Variants in NRG3 observed in about 807,000 individuals in gnomAD.
The protein encoded by NRG3 is neuregulin 3.
In NRG3, 31 loss-of-function variants were observed where a neutral mutation model predicts 66.9. That is an observed-to-expected ratio of 0.46 (90% CI 0.35 to 0.63). The LOEUF is 0.63. Among genes scored for constraint, NRG3 ranks in the 20% least tolerant of loss-of-function variants. The pLI is 0.00. For synonymous variants in NRG3, 393 were observed against 359.4 expected, an observed-to-expected ratio of 1.09 and a Z score of -1.06; for missense variants, 910 against 878.9, an observed-to-expected ratio of 1.04 and a Z score of -0.45.
At chr10:82,054,659 G>A (rs2063748188) in intron 1 of NRG3, among the ~76,000 whole-genome samples, 1 of 152,070 alleles carries the variant, frequency 6.6e-6, no homozygotes, top group Non-Finnish European at 1.5e-5. Flanking sequence ...GGAGAAGTGG[G>A]GAGGAACCAG....
At chr10:82,278,271 A>G (rs1021715800) in intron 1 of NRG3, among the ~76,000 whole-genome samples, 2 of 152,024 alleles carry the variant, frequency 1.3e-5, no homozygotes, top group Non-Finnish European at 2.9e-5. Context: ...AAAATCACAC[A>G]AGCTAAGACC....
At chr10:82,921,780 T>A (rs1846444505) in intron 4 of NRG3, among the ~76,000 whole-genome samples, 1 of 152,140 alleles carries the variant, frequency 6.6e-6, no homozygotes, top group Admixed American at 6.6e-5. Flanking sequence ...AGATACTCAC[T>A]TTTCATCTTC....
At chr10:82,897,462 T>C (rs1024533619) in intron 4 of NRG3, among the ~76,000 whole-genome samples, 1 of 152,192 alleles carries the variant, frequency 6.6e-6, no homozygotes, top group Non-Finnish European at 1.5e-5. Context: ...GGCTTCTTTT[T>C]TTTTCTGATC....
chr10:82,100,040 G>A (rs1449580701), intron 1 of NRG3, among the ~76,000 whole-genome samples: 1 of 151,160 alleles, frequency 6.6e-6, no homozygotes, highest in Non-Finnish European at 1.5e-5. Flanking sequence ...CCTGTTCTAT[G>A]AAGATGGAAT....
rs544948443 is a variant in NRG3, at chr10:82,978,065, C to T, written c.1413-885C>T. 4.5e-4 allele frequency among the ~76,000 whole-genome samples: 69 copies of T among 152,132 alleles called. 2 individuals carry two copies. The South Asian group carries it at 9.4e-3, about 21-fold the overall frequency. ...TTGAGCACTGCAGAACCAGTGTGAC[C>T]ACATAAACTAGCATCTCGTGGAATG... On this transcript the variant is annotated intron_variant, in intron 7 of 8. Coordinates refer to ENST00000372141, the MANE Select transcript of NRG3 (RefSeq NM_001010848.4).
chr10:82,695,678 C>T (rs865828741), intron 2 of NRG3, among the ~76,000 whole-genome samples: 7 of 151,818 alleles, frequency 4.6e-5, no homozygotes, highest in South Asian at 2.1e-4. Flanking sequence ...AAATTTATAG[C>T]GAGGAAAATA....
intron 4 of NRG3, among the ~76,000 whole-genome samples, chr10:82,946,698 T>A (rs1328969651): frequency 6.6e-6 from 1 of 152,170 alleles, no homozygotes; most frequent in Non-Finnish European, 1.5e-5. Context: ...TTAGGTATTA[T>A]AAGTCAAATA....
At chr10:82,809,980 T>C (rs888039666) in intron 3 of NRG3, among the ~76,000 whole-genome samples, 2 of 152,082 alleles carry the variant, frequency 1.3e-5, no homozygotes, top group Non-Finnish European at 2.9e-5. Flanking sequence ...TTTATATTTC[T>C]GCTCTTGTGA....
Position 82,775,104 on chromosome 10 carries a change from G to A in NRG3, c.1027+36454G>A, listed in dbSNP as rs1392890438. Among the ~76,000 whole-genome samples, 4 of 151,696 alleles carry A rather than the reference G, an allele frequency of 2.6e-5. No individual in the cohort carries two copies. In the East Asian group the frequency reaches 7.7e-4, roughly 29 times the overall value. ...GCCTCTCAAAGTGCTGGGATTATAG[G>A]TGTGAGCCACCGTGCCCAGCCTATT... is the stretch of plus-strand genomic sequence containing the variant. On this transcript the variant is annotated intron_variant, in intron 3 of 8. Transcript: ENST00000372141.
intron 2 of NRG3, among the ~76,000 whole-genome samples, chr10:82,604,249 A>G (rs1489458188): frequency 6.6e-6 from 1 of 152,052 alleles, no homozygotes. Context: ...TACTATCTAC[A>G]TAGTTTTGGT....
At chr10:82,400,134 C>T (rs2086982816) in intron 2 of NRG3, among the ~76,000 whole-genome samples, 1 of 151,844 alleles carries the variant, frequency 6.6e-6, no homozygotes, top group Non-Finnish European at 1.5e-5. Context: ...TATAATTATC[C>T]CACTTTTAGA....
At chr10:81,939,111 CA>C (rs2133077213) in intron 1 of NRG3, among the ~76,000 whole-genome samples, 1 of 152,086 alleles carries the variant, frequency 6.6e-6, no homozygotes, top group East Asian at 1.9e-4. Flanking sequence ...GGATAGACCT[CA>C]TTTGGTAATG....
At chr10:82,084,618 AAGCATG>A (rs1256148264) in intron 1 of NRG3, among the ~76,000 whole-genome samples, 3 of 151,988 alleles carry the variant, frequency 2.0e-5, no homozygotes, top group African/African-American at 7.3e-5. Context: ...CAAGAAGTAG[AAGCATG>A]TATTCTTGTC....
chr10:82,945,558 A>T (rs1592049507), intron 4 of NRG3, among the ~76,000 whole-genome samples: 1 of 152,160 alleles, frequency 6.6e-6, no homozygotes, highest in Non-Finnish European at 1.5e-5. Context: ...CAGAAGGGGG[A>T]AGGCAAGTGA....
chr10:81,955,018 T>A (rs1460902587), intron 1 of NRG3, among the ~76,000 whole-genome samples: 1 of 151,948 alleles, frequency 6.6e-6, no homozygotes, highest in African/African-American at 2.4e-5. Flanking sequence ...ATTAGTGTTC[T>A]TCAGAGAAAC....
rs144846236 is a variant in NRG3, at chr10:82,093,558, G to A, written c.823+217395G>A. Among the ~76,000 whole-genome samples, 307 of 152,242 alleles carry A rather than the reference G, an allele frequency of 2.0e-3. 2 individuals are homozygous for A. The highest frequency in any genetic ancestry group is 6.6e-3 in the African/African-American group (274 of 41,560). ...ATAGATATGAAAGCAGCATCCATAC[G>A]CACTTGATTCTCACTTGAATTACAC... On this transcript the variant is annotated intron_variant, in intron 1 of 8. Transcript: ENST00000372141.
At chr10:82,143,222 C>T (rs974805402) in intron 1 of NRG3, among the ~76,000 whole-genome samples, 5 of 152,110 alleles carry the variant, frequency 3.3e-5, no homozygotes, top group Non-Finnish European at 5.9e-5. Context: ...TTTCTGGCAT[C>T]AAAGCCTAGG....
chr10:82,361,588 C>T (rs762302813), intron 2 of NRG3, among the ~76,000 whole-genome samples: 2 of 152,124 alleles, frequency 1.3e-5, no homozygotes, highest in Non-Finnish European at 2.9e-5. Context: ...TACTGAGCAC[C>T]TCCTATCACT....
intron 2 of NRG3, among the ~76,000 whole-genome samples, chr10:82,525,849 T>G (rs902713390): frequency 6.6e-6 from 1 of 151,756 alleles, no homozygotes; most frequent in African/African-American, 2.4e-5. Context: ...CAGAAACCTA[T>G]AAAAAGTGGC....
Sources: gnomAD v4.1 joint callset for allele counts (sites outside exome capture counted in the v4.1 genomes callset) on GRCh38, gnomAD v4.1.1 for gene constraint, MANE v1.5 for transcripts, NCBI Gene and HGNC (gene_info 2026-07-23, HGNC 2026-07-21) for gene names.